Variants in SDK1 observed in about 807,000 individuals in gnomAD.
SDK1 encodes the protein sidekick cell adhesion molecule 1.
SDK1 carries 157 observed loss-of-function variants against 245.5 expected under a neutral mutation model. The ratio of observed to expected loss-of-function variants is 0.64; its 90% CI spans 0.56 to 0.73. The LOEUF is 0.73. Among genes scored for constraint, SDK1 ranks in the 30% least tolerant of loss-of-function variants. SDK1 has a pLI of 0.00. For synonymous variants in SDK1, 1,647 were observed against 1,278.5 expected (o/e 1.29, Z -6.15); for missense variants, 3,583 against 3,002.3 (o/e 1.19, Z -4.52).
At chr7:3,600,970 A>G (rs919164560) in intron 1 of SDK1, among the ~76,000 whole-genome samples, 2 of 152,064 alleles carry the variant, frequency 1.3e-5, no homozygotes, top group African/African-American at 2.4e-5. Flanking sequence ...TTCTGCCTCA[A>G]TTGATAGCTC....
rs10264111 is a variant in SDK1 at position 4,204,598 on chromosome 7, G to A, written c.5099-1281G>A. ...CCCAAGAAGGCCTCTCCAGAGAGCC[G>A]GGTGCTGGGCCATCTCCCTCGGACA... On this transcript the variant is annotated intron_variant, in intron 35 of 44. Transcript: ENST00000404826. Among the ~76,000 whole-genome samples, 19 of 152,194 alleles carry A rather than the reference G, an allele frequency of 1.2e-4. 1 individual carries two copies. The highest frequency in any genetic ancestry group is 4.1e-4 in the African/African-American group (17 of 41,458).
rs1562486729 is a variant in SDK1, at chr7:3,438,847, A to ATGT, written c.298+136964_298+136965insGTT. Among the ~76,000 whole-genome samples, 736 of 110,090 alleles carry ATGT rather than the reference A, an allele frequency of 6.7e-3. 10 individuals carry two copies. The highest frequency in any genetic ancestry group is 0.027 in the African/African-American group (685 of 25,620). The allele number at this position is 110,090 out of a possible 152,430, so 72.2% of individuals were successfully genotyped here. On this transcript the variant is annotated intron_variant, in intron 1 of 44. Coordinates refer to ENST00000404826, the MANE Select transcript of SDK1 (RefSeq NM_152744.4). ...CCCTGTTTTCTTCCCCTTTGTATTA[A>ATGT]TATTTTTTTTTTTTTTTTTTTTGAG...
At chr7:3,548,686 T>G (rs1408674695) in intron 1 of SDK1, among the ~76,000 whole-genome samples, 1 of 152,196 alleles carries the variant, frequency 6.6e-6, no homozygotes, top group African/African-American at 2.4e-5. Flanking sequence ...ATTAGTGACT[T>G]TATTCTTTTG....
chr7:4,076,916 C>T, intron 20 of SDK1, 82 bp from the exon 21 acceptor site: 1 of 1,235,420 alleles, frequency 8.1e-7, no homozygotes, highest in South Asian at 1.4e-5. Context: ...TAGCTCCAAG[C>T]CTGCAACGAT....
intron 1 of SDK1, among the ~76,000 whole-genome samples, chr7:3,557,181 A>T (rs1489057201): frequency 2.6e-5 from 4 of 152,146 alleles, no homozygotes; most frequent in African/African-American, 9.7e-5. Context: ...TCCTTTAAAA[A>T]CTTTAATAAA....
At chr7:3,434,402 C>G (rs548811407) in intron 1 of SDK1, among the ~76,000 whole-genome samples, 1 of 152,090 alleles carries the variant, frequency 6.6e-6, no homozygotes, top group Non-Finnish European at 1.5e-5. Context: ...GGCTATGTGC[C>G]CTACGCCACT....
At chr7:3,909,565 T>C (rs1004796485) in intron 5 of SDK1, among the ~76,000 whole-genome samples, 22 of 152,194 alleles carry the variant, frequency 1.4e-4, no homozygotes, top group African/African-American at 4.8e-4. Flanking sequence ...ACAGTGACGG[T>C]GTTAGTGACC....
chr7:4,159,787 G>A (rs1249390120), intron 31 of SDK1, among the ~76,000 whole-genome samples: 2 of 152,230 alleles, frequency 1.3e-5, no homozygotes, highest in Admixed American at 1.3e-4. Context: ...GATATACAGT[G>A]TAACAACTGT....
At chr7:4,001,018 C>T (rs1158481262) in intron 14 of SDK1, among the ~76,000 whole-genome samples, 1 of 152,180 alleles carries the variant, frequency 6.6e-6, no homozygotes, top group Admixed American at 6.5e-5. Context: ...AGATGGGGGT[C>T]AGAGAGCCCA....
At chr7:3,433,243 TC>T (rs1439262248) in intron 1 of SDK1, among the ~76,000 whole-genome samples, 2 of 152,184 alleles carry the variant, frequency 1.3e-5, no homozygotes, top group African/African-American at 4.8e-5. Context: ...CCCTCTAGTT[TC>T]AACCAGCTTC....
At chr7:3,831,406 AAC>A (rs1779909362) in intron 5 of SDK1, among the ~76,000 whole-genome samples, 1 of 152,324 alleles carries the variant, frequency 6.6e-6, no homozygotes, top group South Asian at 2.1e-4. Flanking sequence ...CTAATTAAGA[AAC>A]ACCTGTTTAA....
intron 44 of SDK1, among the ~76,000 whole-genome samples, chr7:4,255,181 C>A (rs1344953908): frequency 6.6e-6 from 1 of 152,230 alleles, no homozygotes; most frequent in Non-Finnish European, 1.5e-5. Context: ...TTTACCGCTT[C>A]CATTGTTGCT....
intron 18 of SDK1, among the ~76,000 whole-genome samples, chr7:4,049,933 C>A (rs1024088163): frequency 1.3e-5 from 2 of 152,088 alleles, no homozygotes; most frequent in South Asian, 2.1e-4. Flanking sequence ...TTCCAGCTAC[C>A]CGCCCATACT....
chr7:3,662,624 C>G lies in SDK1; in HGVS notation c.713+20519C>G, dbSNP rs966317444. 2.0e-5 allele frequency among the ~76,000 whole-genome samples: 3 copies of G among 152,274 alleles called. 1 individual carries two copies. The South Asian group carries it at 6.2e-4, about 32-fold the overall frequency. On this transcript the variant is annotated intron_variant, in intron 4 of 44. Coordinates refer to ENST00000404826, the MANE Select transcript of SDK1 (RefSeq NM_152744.4). ...CAGGCTTGGGTTCGGAGAAATGGTTCCTCTCTTAAGAGCACAACAGCAACA... is the reference window on the plus strand; with the variant it reads ...CAGGCTTGGGTTCGGAGAAATGGTTGCTCTCTTAAGAGCACAACAGCAACA...
chr7:3,593,378 A>C (rs1369186842), intron 1 of SDK1, among the ~76,000 whole-genome samples: 1 of 152,160 alleles, frequency 6.6e-6, no homozygotes. Context: ...TATGTGATGC[A>C]CATGAGCTTC....
chr7:3,456,423 G>T (rs1055954176), intron 1 of SDK1, among the ~76,000 whole-genome samples: 1 of 152,094 alleles, frequency 6.6e-6, no homozygotes, highest in Admixed American at 6.6e-5. Flanking sequence ...TTTTCTCTCT[G>T]TTGTTGCTGG....
chr7:4,209,349 A>C (rs1206187286), intron 37 of SDK1, among the ~76,000 whole-genome samples: 1 of 152,116 alleles, frequency 6.6e-6, no homozygotes, highest in Non-Finnish European at 1.5e-5. Context: ...GGGCGAGGAG[A>C]GTAGGTCCCC....
chr7:3,359,275 C>G (rs903238800), intron 1 of SDK1, among the ~76,000 whole-genome samples: 3 of 152,156 alleles, frequency 2.0e-5, no homozygotes, highest in African/African-American at 4.8e-5. Context: ...AGCCCGGAGG[C>G]TTGAGCCTGA....
rs114381070 is a variant in SDK1, at chr7:3,660,334, A to T, written c.713+18229A>T. On this transcript the variant is annotated intron_variant, in intron 4 of 44. Transcript: ENST00000404826. ...AGAAGAGAGCTTTTCACCTGATTCT[A>T]CATAAGCAGCTTGAGAAAAGCTTGA... Among the ~76,000 whole-genome samples, 153 of 152,250 alleles carry T rather than the reference A, an allele frequency of 1.0e-3. 1 individual carries two copies. The highest frequency in any genetic ancestry group is 3.6e-3 in the African/African-American group (148 of 41,538).
Sources: allele counts gnomAD v4.1 joint callset (sites outside exome capture counted in the v4.1 genomes callset), GRCh38; gene constraint gnomAD v4.1.1; transcripts MANE v1.5; gene names NCBI Gene and HGNC (gene_info 2026-07-23, HGNC 2026-07-21).